ACACA: variants seen among roughly 807,000 people sequenced by gnomAD.
ACACA encodes acetyl-CoA carboxylase alpha.
ACACA carries 103 observed loss-of-function variants against 296.1 expected under a neutral mutation model. The ratio of observed to expected loss-of-function variants is 0.35; its 90% confidence interval spans 0.30 to 0.41. The LOEUF is 0.41. Among genes scored for constraint, ACACA ranks in the 10% least tolerant of loss-of-function variants. The pLI is 1.00. For synonymous variants in ACACA, 953 were observed against 1,038.6 expected, an observed-to-expected ratio of 0.92 and a Z score of 1.58; for missense variants, 1,554 against 2,989.7, an observed-to-expected ratio of 0.52 and a Z score of 11.20.
rs183224096 is a variant in ACACA, at chr17:37,328,755, A to G, written c.338+1418T>C. On this transcript the variant is annotated intron_variant, in intron 3 of 55. Transcript: ENST00000616317. Reference sequence around the variant, plus strand: ...ATAATAAAGGTGCCAAGATAGTAACAGCAACAACAGCCACCCTAACTTATG... The same window carrying G: ...ATAATAAAGGTGCCAAGATAGTAACGGCAACAACAGCCACCCTAACTTATG... 82 of 397,222 alleles carry G rather than the reference A, an allele frequency of 2.1e-4. No homozygotes were observed. In the Admixed American group the frequency reaches 3.5e-3, roughly 17 times the overall value. 24.6% of individuals were successfully genotyped at this position (397,222 alleles called of 1,614,324 possible).
intron 45 of ACACA, among the ~76,000 whole-genome samples, chr17:37,133,436 C>G (rs188710516): frequency 2.6e-5 from 4 of 152,270 alleles, no homozygotes; most frequent in African/African-American, 7.2e-5. Context: ...ACCAAGGAAG[C>G]AGAATCTGGG....
chr17:37,099,720 G>C (rs1335760735), intron 52 of ACACA, among the ~76,000 whole-genome samples: 1 of 151,992 alleles, frequency 6.6e-6, no homozygotes, highest in Non-Finnish European at 1.5e-5. Context: ...TGGAGGGCTG[G>C]CTGGTGTCTT....
intron 1 of ACACA, among the ~76,000 whole-genome samples, chr17:37,373,127 ACT>A (rs1427895553): frequency 1.3e-5 from 2 of 151,670 alleles, no homozygotes; most frequent in Admixed American, 6.6e-5. Flanking sequence ...GATCCACCTG[ACT>A]CAGCCTCCCA....
At chr17:37,302,081 G>GA (rs2083645738) in intron 3 of ACACA, among the ~76,000 whole-genome samples, 1 of 151,808 alleles carries the variant, frequency 6.6e-6, no homozygotes, top group Admixed American at 6.6e-5. Context: ...GGGTTCAAGC[G>GA]ATTCTCCTGC....
intron 2 of ACACA, 58 bp downstream of exon 2, chr17:37,339,746 T>C: frequency 2.8e-6 from 3 of 1,086,456 alleles, no homozygotes; most frequent in Admixed American, 1.9e-5. Flanking sequence ...TTTGATATTT[T>C]ACAACATGAA....
intron 20 of ACACA, 136 bp downstream of exon 20, chr17:37,244,944 A>T: frequency 7.1e-7 from 1 of 1,400,954 alleles, no homozygotes; most frequent in South Asian, 1.2e-5. Flanking sequence ...TACAGGCACA[A>T]ATACAAGGCA....
At chr17:37,272,870 A>T (rs1268451950) in intron 9 of ACACA, among the ~76,000 whole-genome samples, 2 of 152,178 alleles carry the variant, frequency 1.3e-5, no homozygotes, top group Non-Finnish European at 2.9e-5. Flanking sequence ...TTGAAAAGGG[A>T]TAAAAAAATG....
intron 50 of ACACA, among the ~76,000 whole-genome samples, chr17:37,119,699 C>G (rs918300419): frequency 6.6e-6 from 1 of 150,772 alleles, no homozygotes; most frequent in African/African-American, 2.4e-5. Flanking sequence ...TCTTCCTAGA[C>G]GAGTAAGGAA....
At chr17:37,095,956 C>T (rs1422174157) in intron 54 of ACACA, among the ~76,000 whole-genome samples, 1 of 152,164 alleles carries the variant, frequency 6.6e-6, no homozygotes, top group Non-Finnish European at 1.5e-5. Flanking sequence ...CCAAGGACAC[C>T]ATCTCAGTGG....
At chr17:37,159,879 CTT>C (rs1160231135) in intron 42 of ACACA, among the ~76,000 whole-genome samples, 1 of 152,200 alleles carries the variant, frequency 6.6e-6, no homozygotes, top group African/African-American at 2.4e-5. Context: ...AAAAAGGAGA[CTT>C]TGGGCTCTTG....
intron 13 of ACACA, 145 bp from the exon 14 acceptor site, chr17:37,258,011 G>T: frequency 8.3e-7 from 1 of 1,204,144 alleles, no homozygotes; most frequent in Non-Finnish European, 1.2e-6. Context: ...CAGTGCCACA[G>T]ACCCACTGAA....
intron 25 of ACACA, 117 bp downstream of exon 25, chr17:37,234,858 C>T: frequency 8.5e-7 from 1 of 1,181,838 alleles, no homozygotes; most frequent in Non-Finnish European, 1.2e-6. Context: ...AAGCCCCATT[C>T]ATCCCATAAT....
chr17:37,405,706 C>T (rs989811346), intron 1 of ACACA, among the ~76,000 whole-genome samples: 4 of 152,038 alleles, frequency 2.6e-5, no homozygotes, highest in African/African-American at 9.7e-5. Context: ...GTGCCTGCCA[C>T]CACACCCGCG....
chr17:37,126,599 C>T (rs958697551), intron 47 of ACACA, among the ~76,000 whole-genome samples: 32 of 152,166 alleles, frequency 2.1e-4, no homozygotes, highest in African/African-American at 6.8e-4. Context: ...TCTCAGCTCA[C>T]GGTTTTCAGT....
chr17:37,244,824 C>T (rs925764196), intron 20 of ACACA, 90 bp from the exon 21 acceptor site: 35 of 1,559,222 alleles, frequency 2.2e-5, no homozygotes, highest in African/African-American at 8.1e-5. Context: ...CATTCAAAAT[C>T]GAGACATCAT....
intron 45 of ACACA, among the ~76,000 whole-genome samples, chr17:37,132,578 T>A (rs2075151255): frequency 1.3e-5 from 2 of 152,196 alleles, no homozygotes; most frequent in African/African-American, 4.8e-5. Flanking sequence ...GGAGACACTG[T>A]GCTGACCCTG....
At chr17:37,340,682 T>C (rs2048338832) in intron 1 of ACACA, among the ~76,000 whole-genome samples, 1 of 152,172 alleles carries the variant, frequency 6.6e-6, no homozygotes, top group African/African-American at 2.4e-5. Context: ...AATATTAGGA[T>C]TTATCCAGTT....
chr17:37,194,194 T>C (rs2077886909), intron 35 of ACACA, among the ~76,000 whole-genome samples: 1 of 152,168 alleles, frequency 6.6e-6, no homozygotes, highest in African/African-American at 2.4e-5. Context: ...AATCAAATCA[T>C]TACTATTTGC....
intron 1 of ACACA, among the ~76,000 whole-genome samples, chr17:37,398,569 A>G (rs2051167179): frequency 7.6e-6 from 1 of 131,890 alleles, no homozygotes; most frequent in Non-Finnish European, 1.6e-5. Context: ...ATGGGATTAC[A>G]GGCGTGAGCC....
Sources: allele counts gnomAD v4.1 joint callset (sites outside exome capture counted in the v4.1 genomes callset), GRCh38; gene constraint gnomAD v4.1.1; transcripts MANE v1.5; gene names NCBI Gene and HGNC (gene_info 2026-07-23, HGNC 2026-07-21).